The following GPC5 variants were observed in gnomAD, a reference collection of about 807,000 sequenced individuals.
GPC5 encodes glypican 5, also known as glypican-5.
In GPC5, 47 loss-of-function variants were observed where a neutral mutation model predicts 53.9. The observed-to-expected ratio is 0.87, with a 90% CI of 0.69 to 1.11. The LOEUF (loss-of-function observed/expected upper bound fraction) is 1.11. Ranked by LOEUF, GPC5 falls within the 50% of genes most tolerant of loss-of-function variation. The probability of loss-of-function intolerance (pLI) is 0.00; values close to 1 mark genes in which losing one functional copy is unlikely to be tolerated. For missense variants in GPC5, 748 were observed against 713.1 expected (o/e 1.05, Z -0.56); for synonymous variants, 286 against 263.3 (o/e 1.09, Z -0.84).
intron 7 of GPC5, among the ~76,000 whole-genome samples, chr13:92,615,928 C>T (rs1884672193): frequency 6.6e-6 from 1 of 152,068 alleles, no homozygotes; most frequent in Admixed American, 6.5e-5. Flanking sequence ...GTGGCAGGTG[C>T]CTGTAGTCCC....
At chr13:91,889,717 G>A (rs1374821855) in intron 5 of GPC5, among the ~76,000 whole-genome samples, 3 of 152,120 alleles carry the variant, frequency 2.0e-5, no homozygotes, top group East Asian at 1.9e-4. Context: ...TAACAAATAT[G>A]CATTGAGCTT....
chr13:92,385,589 G>GCATATATA (rs1416251917), intron 7 of GPC5, among the ~76,000 whole-genome samples: 12 of 124,546 alleles, frequency 9.6e-5, no homozygotes, highest in African/African-American at 3.7e-4. Flanking sequence ...TAATATATAC[G>GCATATATA]CATATATACA....
chr13:92,602,228 T>TAAC (rs1566314020), intron 7 of GPC5, among the ~76,000 whole-genome samples: 1 of 26,616 alleles, frequency 3.8e-5, no homozygotes, highest in Non-Finnish European at 9.7e-5. Context: ...TAAATATATA[T>TAAC]ATAACATATA....
At chr13:92,152,432 C>T (rs1349407456) in intron 7 of GPC5, among the ~76,000 whole-genome samples, 2 of 152,124 alleles carry the variant, frequency 1.3e-5, no homozygotes, top group Admixed American at 6.5e-5. Context: ...CCAAGAGTGT[C>T]TACCCAACTC....
At chr13:92,210,816 GA>G (rs2042369822) in intron 7 of GPC5, among the ~76,000 whole-genome samples, 1 of 152,144 alleles carries the variant, frequency 6.6e-6, no homozygotes, top group South Asian at 2.1e-4. Flanking sequence ...TCTCAAGTCA[GA>G]AATGAAAATG....
chr13:92,025,108 CTTTT>C (rs910143649), intron 6 of GPC5, among the ~76,000 whole-genome samples: 1 of 152,084 alleles, frequency 6.6e-6, no homozygotes, highest in Non-Finnish European at 1.5e-5. Context: ...CTCCCCCTTT[CTTTT>C]TGTTTCTTTT....
At chr13:91,642,986 C>T (rs547383639) in intron 2 of GPC5, among the ~76,000 whole-genome samples, 5 of 152,150 alleles carry the variant, frequency 3.3e-5, no homozygotes, top group South Asian at 4.2e-4. Context: ...CACATAAGTA[C>T]GTTGAGTCCT....
chr13:91,690,992 G>T (rs947173580), intron 2 of GPC5, among the ~76,000 whole-genome samples: 3 of 152,062 alleles, frequency 2.0e-5, no homozygotes, highest in African/African-American at 7.2e-5. Flanking sequence ...GACCCACTTC[G>T]CGGTTCTTAG....
At chr13:91,901,191 T>G (rs2039494117) in intron 5 of GPC5, among the ~76,000 whole-genome samples, 1 of 152,058 alleles carries the variant, frequency 6.6e-6, no homozygotes, top group Non-Finnish European at 1.5e-5. Flanking sequence ...TCTCCTTAAT[T>G]CCATTTATTT....
At chr13:92,084,011 C>G (rs1244948798) in intron 6 of GPC5, among the ~76,000 whole-genome samples, 1 of 152,168 alleles carries the variant, frequency 6.6e-6, no homozygotes, top group Non-Finnish European at 1.5e-5. Context: ...CCTCAGCAAA[C>G]TAACACAGGA....
intron 1 of GPC5, among the ~76,000 whole-genome samples, chr13:91,435,708 A>C (rs1879884581): frequency 6.6e-6 from 1 of 152,224 alleles, no homozygotes; most frequent in Admixed American, 6.5e-5. Flanking sequence ...TCATAAAATA[A>C]GTTAGGGAGG....
At chr13:92,347,324 G>A (rs982667239) in intron 7 of GPC5, among the ~76,000 whole-genome samples, 4 of 152,256 alleles carry the variant, frequency 2.6e-5, no homozygotes, top group South Asian at 2.1e-4. Context: ...ACAAAGAAGT[G>A]TCACTATCAG....
chr13:92,409,871 C>G (rs1258279959), intron 7 of GPC5, among the ~76,000 whole-genome samples: 1 of 152,160 alleles, frequency 6.6e-6, no homozygotes, highest in Non-Finnish European at 1.5e-5. Context: ...GCTTTAAATA[C>G]TGCCACAGAG....
At chr13:92,549,428 T>G (rs376341299) in intron 7 of GPC5, among the ~76,000 whole-genome samples, 1 of 152,064 alleles carries the variant, frequency 6.6e-6, no homozygotes, top group Non-Finnish European at 1.5e-5. Context: ...GCAAAACAAA[T>G]TGGGGCCTAC....
chr13:91,845,932 G>T (rs1229362581), intron 5 of GPC5, among the ~76,000 whole-genome samples: 1 of 152,142 alleles, frequency 6.6e-6, no homozygotes, highest in Non-Finnish European at 1.5e-5. Flanking sequence ...GGTGCCTCAT[G>T]GGGGATTATT....
At chr13:92,711,440 C>G (rs1163048435) in intron 7 of GPC5, among the ~76,000 whole-genome samples, 1 of 152,056 alleles carries the variant, frequency 6.6e-6, no homozygotes, top group Non-Finnish European at 1.5e-5. Context: ...TAAATATACC[C>G]ACTGTAAACT....
intron 6 of GPC5, among the ~76,000 whole-genome samples, chr13:91,981,826 T>G (rs1452695629): frequency 6.6e-6 from 1 of 152,152 alleles, no homozygotes; most frequent in African/African-American, 2.4e-5. Context: ...TTATGGACTG[T>G]TTTTTTATGT....
chr13:92,524,125 A>T (rs545339158), intron 7 of GPC5, among the ~76,000 whole-genome samples: 1 of 152,078 alleles, frequency 6.6e-6, no homozygotes, highest in Non-Finnish European at 1.5e-5. Flanking sequence ...GCTTCCTTTC[A>T]TGAAAGATTT....
chr13:92,480,011 G>A (rs756683747), intron 7 of GPC5, among the ~76,000 whole-genome samples: 3 of 152,144 alleles, frequency 2.0e-5, no homozygotes, highest in Non-Finnish European at 4.4e-5. Flanking sequence ...AGTGGGCCAG[G>A]CATGCTGGTT....
Sources: gnomAD v4.1 joint callset for allele counts (sites outside exome capture counted in the v4.1 genomes callset) on GRCh38, gnomAD v4.1.1 for gene constraint, MANE v1.5 for transcripts, NCBI Gene and HGNC (gene_info 2026-07-23, HGNC 2026-07-21) for gene names.